TAF3: variants seen among roughly 807,000 people sequenced by gnomAD.
TAF3 encodes TATA-box binding protein associated factor 3, also known as transcription initiation factor TFIID subunit 3.
Under a neutral mutation model 80.6 loss-of-function variants are expected in TAF3, and 7 were observed. The ratio of observed to expected loss-of-function variants is 0.09; its 90% CI spans 0.05 to 0.16. The LOEUF is 0.16. Ranked by LOEUF, TAF3 falls within the 10% of genes least tolerant of loss-of-function variation. The probability of loss-of-function intolerance (pLI) is 1.00; values close to 1 mark genes in which losing one functional copy is unlikely to be tolerated. For synonymous variants in TAF3, 444 were observed against 446.1 expected (o/e 1.00, Z 0.06); for missense variants, 921 against 1,140.2 (o/e 0.81, Z 2.77).
chr10:8,007,562 T>TTATATATA (rs34833399), intron 4 of TAF3, among the ~76,000 whole-genome samples: 13 of 60,518 alleles, frequency 2.1e-4, no homozygotes, highest in African/African-American at 6.0e-4. Context: ...GTGTGTGAAA[T>TTATATATA]TATATATATA....
chr10:7,936,315 G>T (rs565515324), intron 2 of TAF3, among the ~76,000 whole-genome samples: 13 of 152,230 alleles, frequency 8.5e-5, no homozygotes, highest in Admixed American at 8.5e-4. Context: ...TGTGGGGTCT[G>T]TCAAAAGCTA....
intron 2 of TAF3, among the ~76,000 whole-genome samples, chr10:7,892,441 A>G (rs1837464881): frequency 6.6e-6 from 1 of 152,368 alleles, no homozygotes; most frequent in Non-Finnish European, 1.5e-5. Flanking sequence ...TTTTGTAAAC[A>G]TAGTCAAAAA....
intron 2 of TAF3, among the ~76,000 whole-genome samples, chr10:7,949,205 G>T (rs539101370): frequency 6.6e-6 from 1 of 152,360 alleles, no homozygotes; most frequent in East Asian, 1.9e-4. Context: ...GGAAGGGGCT[G>T]GTTCTGTAAA....
At position 7,902,311 on chromosome 10, in the gene TAF3, T is replaced by C. The variant is rs567818442; in HGVS notation, c.410-61609T>C. Among the ~76,000 whole-genome samples, 17 of 151,914 alleles carry C rather than the reference T, an allele frequency of 1.1e-4. 1 individual carries two copies. Among genetic ancestry groups the C allele is most frequent in the African/African-American group, 3.9e-4 (16 of 41,436 alleles). On this transcript the variant is annotated intron_variant, in intron 2 of 6. Transcript: ENST00000344293. ...GGTGGCACATGTCTGTAATCCCAAC[T>C]ACTCGGGAGGCTGAGGCAGGAGAAT... is the stretch of plus-strand genomic sequence containing the variant.
At chr10:7,872,097 CA>C (rs1333840889) in intron 2 of TAF3, among the ~76,000 whole-genome samples, 2 of 151,964 alleles carry the variant, frequency 1.3e-5, no homozygotes, top group Non-Finnish European at 2.9e-5. Context: ...GCGAAATTTC[CA>C]TAATTAAAGT....
chr10:7,942,734 G>A (rs560142272), intron 2 of TAF3, among the ~76,000 whole-genome samples: 74 of 152,222 alleles, frequency 4.9e-4, no homozygotes, highest in Non-Finnish European at 6.5e-4. Flanking sequence ...GTGGGCAGCC[G>A]AGGCGTGTGG....
At chr10:8,007,128 G>T (rs1439135460) in intron 4 of TAF3, among the ~76,000 whole-genome samples, 1 of 152,168 alleles carries the variant, frequency 6.6e-6, no homozygotes, top group Non-Finnish European at 1.5e-5. Context: ...AAGTTTACAA[G>T]TGAATGTCTC....
At chr10:8,012,811 A>C (rs1274380645) in intron 5 of TAF3, among the ~76,000 whole-genome samples, 1 of 152,230 alleles carries the variant, frequency 6.6e-6, no homozygotes, top group African/African-American at 2.4e-5. Context: ...GCCTTTCTAA[A>C]AGCATGTCTA....
intron 2 of TAF3, among the ~76,000 whole-genome samples, chr10:7,869,969 T>C (rs1388965592): frequency 6.6e-6 from 1 of 152,240 alleles, no homozygotes; most frequent in East Asian, 1.9e-4. Flanking sequence ...ACTGAACTAC[T>C]TTCGACCCCA....
chr10:7,846,688 C>T (rs570902481), intron 2 of TAF3, among the ~76,000 whole-genome samples: 54 of 152,310 alleles, frequency 3.5e-4, no homozygotes, highest in Non-Finnish European at 1.0e-4. Context: ...CAAATATCCA[C>T]TGGACCTCCT....
At chr10:7,973,497 A>C (rs1174290194) in intron 3 of TAF3, among the ~76,000 whole-genome samples, 1 of 152,218 alleles carries the variant, frequency 6.6e-6, no homozygotes, top group East Asian at 1.9e-4. Flanking sequence ...ATTCCGTCTC[A>C]GTTTTGCTAT....
chr10:7,968,001 C>T (rs966175665), intron 3 of TAF3, among the ~76,000 whole-genome samples: 1 of 152,152 alleles, frequency 6.6e-6, no homozygotes, highest in Non-Finnish European at 1.5e-5. Context: ...GTTAAGACTT[C>T]CCTTTCTTCA....
chr10:7,840,473 T>C (rs1836901015), intron 2 of TAF3, among the ~76,000 whole-genome samples: 2 of 151,134 alleles, frequency 1.3e-5, no homozygotes, highest in South Asian at 4.1e-4. Flanking sequence ...TGTTTTGATA[T>C]TTACTATAAA....
intron 2 of TAF3, among the ~76,000 whole-genome samples, chr10:7,952,230 A>G (rs777530472): frequency 2.6e-5 from 4 of 152,122 alleles, no homozygotes; most frequent in African/African-American, 9.7e-5. Flanking sequence ...AGATATTGAC[A>G]TTGTCTGAAG....
At chr10:7,993,117 T>C (rs1785677764) in intron 4 of TAF3, among the ~76,000 whole-genome samples, 1 of 152,328 alleles carries the variant, frequency 6.6e-6, no homozygotes, top group South Asian at 2.1e-4. Context: ...ACCAGACTTA[T>C]ATCTCATAAG....
chr10:7,862,397 C>A (rs1404436209), intron 2 of TAF3, among the ~76,000 whole-genome samples: 1 of 152,180 alleles, frequency 6.6e-6, no homozygotes, highest in African/African-American at 2.4e-5. Context: ...TACCTTAGTT[C>A]AACTCAAACT....
intron 2 of TAF3, among the ~76,000 whole-genome samples, chr10:7,856,497 T>A (rs1327580802): frequency 6.6e-6 from 1 of 151,940 alleles, no homozygotes; most frequent in South Asian, 2.1e-4. Flanking sequence ...AATAAAAAAA[T>A]AGATTTTAAA....
At chr10:7,867,133 C>T (rs1259206517) in intron 2 of TAF3, among the ~76,000 whole-genome samples, 2 of 151,914 alleles carry the variant, frequency 1.3e-5, no homozygotes, top group Admixed American at 6.6e-5. Flanking sequence ...GTGGCATGCC[C>T]CTGTCATCCC....
intron 2 of TAF3, among the ~76,000 whole-genome samples, chr10:7,865,755 TTGAGC>T (rs1837208058): frequency 6.6e-6 from 1 of 152,204 alleles, no homozygotes; most frequent in Admixed American, 6.5e-5. Flanking sequence ...TGGACAGTAC[TTGAGC>T]TGAGGTCAAA....
Sources: gnomAD v4.1 joint callset for allele counts (sites outside exome capture counted in the v4.1 genomes callset) on GRCh38, gnomAD v4.1.1 for gene constraint, MANE v1.5 for transcripts, NCBI Gene and HGNC (gene_info 2026-07-23, HGNC 2026-07-21) for gene names.